Variants in ATP6V1H observed in about 807,000 individuals in gnomAD.
ATP6V1H encodes ATPase H+ transporting V1 subunit H, also known as V-type proton ATPase subunit H.
ATP6V1H carries 39 observed loss-of-function variants against 71.7 expected under a neutral mutation model. The ratio of observed to expected loss-of-function variants is 0.54; its 90% confidence interval spans 0.42 to 0.71. The LOEUF is 0.71. ATP6V1H is among the 30% of genes least tolerant of loss of function. The pLI is 0.00. For missense variants in ATP6V1H, 509 were observed against 594.9 expected, an observed-to-expected ratio of 0.86 and a Z score of 1.50; for synonymous variants, 192 against 199.3, an observed-to-expected ratio of 0.96 and a Z score of 0.31.
intron 13 of ATP6V1H, among the ~76,000 whole-genome samples, chr8:53,733,166 G>A (rs1177847763): frequency 6.6e-6 from 1 of 152,164 alleles, no homozygotes; most frequent in African/African-American, 2.4e-5. Context: ...CCCTACTTAG[G>A]CTGACTGCCG....
At chr8:53,784,853 T>C (rs1447183599) in intron 9 of ATP6V1H, among the ~76,000 whole-genome samples, 7 of 152,250 alleles carry the variant, frequency 4.6e-5, no homozygotes, top group South Asian at 2.1e-4. Flanking sequence ...TTTAAGAATG[T>C]TGAATATTGG....
intron 2 of ATP6V1H, among the ~76,000 whole-genome samples, chr8:53,839,405 C>G (rs1811273770): frequency 6.6e-6 from 1 of 152,260 alleles, no homozygotes; most frequent in South Asian, 2.1e-4. Context: ...ACAGAGAAAA[C>G]ATCAGCAAGT....
chr8:53,840,468 A>T (rs974643711), intron 2 of ATP6V1H, among the ~76,000 whole-genome samples: 20 of 151,628 alleles, frequency 1.3e-4, no homozygotes, highest in Non-Finnish European at 1.5e-4. Flanking sequence ...ACTGTACTCC[A>T]GCCTGGGCAA....
At chr8:53,757,246 G>C (rs1333647611) in intron 11 of ATP6V1H, among the ~76,000 whole-genome samples, 1 of 152,196 alleles carries the variant, frequency 6.6e-6, no homozygotes, top group Admixed American at 6.5e-5. Context: ...ACTGGAGCCT[G>C]ACGGGTACTT....
chr8:53,733,831 T>C (rs1807109262), intron 13 of ATP6V1H, among the ~76,000 whole-genome samples: 1 of 152,172 alleles, frequency 6.6e-6, no homozygotes, highest in Non-Finnish European at 1.5e-5. Context: ...GAAAAACTCA[T>C]GTCAGCCCCA....
intron 9 of ATP6V1H, among the ~76,000 whole-genome samples, chr8:53,787,485 T>C (rs1280514342): frequency 6.6e-6 from 1 of 152,230 alleles, no homozygotes; most frequent in African/African-American, 2.4e-5. Flanking sequence ...CATGTGTAGA[T>C]GTGAATTAAA....
At chr8:53,774,061 T>C (rs371599589) in intron 9 of ATP6V1H, among the ~76,000 whole-genome samples, 48 of 152,288 alleles carry the variant, frequency 3.2e-4, no homozygotes, top group African/African-American at 9.1e-4. Flanking sequence ...ATATGTGCAA[T>C]TGGAATACCA....
At chr8:53,757,250 G>A (rs912846325) in intron 11 of ATP6V1H, among the ~76,000 whole-genome samples, 2 of 152,136 alleles carry the variant, frequency 1.3e-5, no homozygotes, top group African/African-American at 4.8e-5. Context: ...GAGCCTGACG[G>A]GTACTTCTGA....
chr8:53,749,815 T>C (rs898657919), intron 12 of ATP6V1H, among the ~76,000 whole-genome samples: 2 of 151,788 alleles, frequency 1.3e-5, no homozygotes, highest in African/African-American at 4.8e-5. Flanking sequence ...ATTGTCACAA[T>C]GTTTTAATTA....
chr8:53,773,126 T>C (rs1213227803), intron 9 of ATP6V1H, among the ~76,000 whole-genome samples: 1 of 152,174 alleles, frequency 6.6e-6, no homozygotes, highest in East Asian at 1.9e-4. Flanking sequence ...GTTTGCCTTA[T>C]TTTTCTTTCT....
At chr8:53,797,774 C>G (rs562622525) in intron 8 of ATP6V1H, among the ~76,000 whole-genome samples, 2 of 151,662 alleles carry the variant, frequency 1.3e-5, no homozygotes, top group African/African-American at 4.8e-5. Flanking sequence ...CCAGGGTGGG[C>G]GGATCTCTTG....
At chr8:53,765,473 A>G (rs1808425185) in intron 11 of ATP6V1H, among the ~76,000 whole-genome samples, 1 of 143,260 alleles carries the variant, frequency 7.0e-6, no homozygotes, top group South Asian at 2.2e-4. Context: ...ACACACACAC[A>G]CACACACACA....
chr8:53,764,437 T>C (rs911387407), intron 11 of ATP6V1H, among the ~76,000 whole-genome samples: 1 of 151,978 alleles, frequency 6.6e-6, no homozygotes, highest in African/African-American at 2.4e-5. Context: ...ATCATATCAA[T>C]AGAGTCAGGA....
chr8:53,840,298 C>T (rs555976976), intron 2 of ATP6V1H, among the ~76,000 whole-genome samples: 85 of 152,188 alleles, frequency 5.6e-4, no homozygotes, highest in African/African-American at 2.0e-3. Flanking sequence ...GAGTTCGAGA[C>T]CAGCCTGGCC....
chr8:53,762,393 T>G (rs1808300490), intron 11 of ATP6V1H, among the ~76,000 whole-genome samples: 2 of 152,130 alleles, frequency 1.3e-5, no homozygotes, highest in South Asian at 4.1e-4. Context: ...TCCTTCCAAA[T>G]TAAAATAATA....
rs543192291 is a variant in ATP6V1H, at chr8:53,776,769, A to G, written c.871-4602T>C. Among the ~76,000 whole-genome samples the G allele has an allele frequency of 5.3e-4, 80 of 152,342 alleles. No homozygotes were observed. In the South Asian group the frequency reaches 0.017, roughly 32 times the overall value. ...ATGAATTAGATGTTGGAGTTTGCAG[A>G]AAAAGATTTAAAGTAAACATTACGA... On this transcript the variant is annotated intron_variant, in intron 9 of 13. Coordinates refer to ENST00000359530, the MANE Select transcript of ATP6V1H (RefSeq NM_015941.4).
chr8:53,758,901 T>C (rs1045252181), intron 11 of ATP6V1H, among the ~76,000 whole-genome samples: 1 of 152,194 alleles, frequency 6.6e-6, no homozygotes, highest in Non-Finnish European at 1.5e-5. Context: ...GTTCAAAAAG[T>C]CTAAAATATT....
intron 4 of ATP6V1H, among the ~76,000 whole-genome samples, chr8:53,822,948 T>C (rs955400452): frequency 2.6e-5 from 4 of 152,060 alleles, no homozygotes; most frequent in African/African-American, 7.2e-5. Flanking sequence ...CACTAATGTG[T>C]ATATATGCAC....
intron 13 of ATP6V1H, among the ~76,000 whole-genome samples, chr8:53,724,336 T>C (rs538128525): frequency 6.6e-6 from 1 of 152,262 alleles, no homozygotes; most frequent in South Asian, 2.1e-4. Context: ...TGAGTATAGA[T>C]TTATAACTCC....
Sources: gnomAD v4.1 joint callset for allele counts (sites outside exome capture counted in the v4.1 genomes callset) on GRCh38, gnomAD v4.1.1 for gene constraint, MANE v1.5 for transcripts, NCBI Gene and HGNC (gene_info 2026-07-23, HGNC 2026-07-21) for gene names.